Variants in SLC36A2 observed in about 807,000 individuals in gnomAD.
SLC36A2 encodes the protein solute carrier family 36 member 2, also known as proton-coupled amino acid transporter 2.
In SLC36A2, 39 loss-of-function variants were observed where a neutral mutation model predicts 42.7. The observed-to-expected ratio is 0.91, with a 90% confidence interval of 0.71 to 1.19. The LOEUF (loss-of-function observed/expected upper bound fraction) is 1.19. SLC36A2 is among the 50% of genes most tolerant of loss of function. The probability of loss-of-function intolerance (pLI) is 0.00; values close to 1 mark genes in which losing one functional copy is unlikely to be tolerated. For missense variants in SLC36A2, 590 were observed against 613.7 expected, an observed-to-expected ratio of 0.96 and a Z score of 0.41; for synonymous variants, 237 against 240.8, an observed-to-expected ratio of 0.98 and a Z score of 0.15.
chr5:151,317,024 G>A lies in SLC36A2; in HGVS notation c.1245C>T (p.Gly415=), dbSNP rs201675843. The A allele has an allele frequency of 1.9e-6, 3 of 1,614,166 alleles. No individual in the cohort carries two copies. In the East Asian group the frequency reaches 6.7e-5, roughly 36 times the overall value. ...LVISLVGSVS[G]TALALIIPPL... is the part of the protein sequence containing the mutation. ...GTGGGATGATGAGGGCCAGGGCGGT[G>A]CCACTCACGGAGCCCACCAGGGAGA... The change falls in exon 10 of 10, where the codon GGC becomes GGT. Residue 415 remains glycine, a synonymous_variant. Coordinates refer to ENST00000335244, the MANE Select transcript of SLC36A2 (RefSeq NM_181776.3).
At chr5:151,343,827 G>A (rs910258238) in intron 2 of SLC36A2, among the ~76,000 whole-genome samples, 2 of 152,192 alleles carry the variant, frequency 1.3e-5, no homozygotes, top group Admixed American at 6.5e-5. Context: ...ACTGATGGGA[G>A]TAGGGGGACA....
At chr5:151,326,888 T>C (rs1755867823) in intron 7 of SLC36A2, among the ~76,000 whole-genome samples, 1 of 151,782 alleles carries the variant, frequency 6.6e-6, no homozygotes. Flanking sequence ...CACAGTTCAC[T>C]GCAACCTCTG....
At chr5:151,347,207 T>C in intron 1 of SLC36A2, 90 bp downstream of exon 1, 1 of 1,497,620 alleles carries the variant, frequency 6.7e-7, no homozygotes, top group South Asian at 1.1e-5. Flanking sequence ...CACAGTGGGT[T>C]GAGGGTCAGA....
chr5:151,333,950 T>G (rs1756074163), intron 6 of SLC36A2, among the ~76,000 whole-genome samples: 1 of 152,190 alleles, frequency 6.6e-6, no homozygotes, highest in Non-Finnish European at 1.5e-5. Flanking sequence ...GTGTTGGAAA[T>G]TCCTGTGACT....
chr5:151,323,051 C>A (rs1293053332), intron 8 of SLC36A2, among the ~76,000 whole-genome samples: 3 of 152,142 alleles, frequency 2.0e-5, no homozygotes, highest in Non-Finnish European at 2.9e-5. Flanking sequence ...GTCTGGCCAA[C>A]ATGGCGAAAC....
chr5:151,328,586 C>T (rs572956923), intron 7 of SLC36A2, among the ~76,000 whole-genome samples: 13 of 151,838 alleles, frequency 8.6e-5, no homozygotes, highest in African/African-American at 2.9e-4. Context: ...GTCCTAGTCA[C>T]TAAGCAGCAT....
chr5:151,333,586 C>A (rs538507164), intron 6 of SLC36A2, among the ~76,000 whole-genome samples: 1 of 152,098 alleles, frequency 6.6e-6, no homozygotes, highest in African/African-American at 2.4e-5. Flanking sequence ...CCAAAAGGGC[C>A]GGGTGCAGTG....
intron 1 of SLC36A2, 44 bp from the exon 2 acceptor site, chr5:151,344,311 G>T: frequency 1.3e-6 from 2 of 1,525,908 alleles, no homozygotes; most frequent in South Asian, 1.1e-5. Context: ...GTGTGGAGGT[G>T]AGAAGATCCA....
chr5:151,322,713 A>C (rs548599595), intron 8 of SLC36A2, among the ~76,000 whole-genome samples: 3 of 152,314 alleles, frequency 2.0e-5, no homozygotes, highest in Admixed American at 2.0e-4. Flanking sequence ...AGAATCCCAA[A>C]TCCTTGGAAG....
intron 1 of SLC36A2, 32 bp from the exon 2 acceptor site, chr5:151,344,299 G>T (rs1244751473): frequency 6.4e-7 from 1 of 1,561,220 alleles, no homozygotes; most frequent in Non-Finnish European, 8.8e-7. Flanking sequence ...TGAAGTATGG[G>T]TGTGTGGAGG....
chr5:151,333,456 A>G (rs1756053293), intron 6 of SLC36A2, 134 bp from the exon 7 acceptor site: 4 of 735,600 alleles, frequency 5.4e-6, no homozygotes, highest in Non-Finnish European at 9.5e-6. Context: ...CTTCAAAGGG[A>G]TGTAGGCCAC....
intron 3 of SLC36A2, among the ~76,000 whole-genome samples, chr5:151,343,251 C>T (rs1331182937): frequency 6.6e-6 from 1 of 152,164 alleles, no homozygotes; most frequent in Non-Finnish European, 1.5e-5. Flanking sequence ...CCATTGGATT[C>T]TCGTGACCAT....
At chr5:151,345,328 G>A (rs1372874320) in intron 1 of SLC36A2, among the ~76,000 whole-genome samples, 5 of 152,172 alleles carry the variant, frequency 3.3e-5, no homozygotes, top group Non-Finnish European at 5.9e-5. Context: ...ACAAACCAGG[G>A]ATTAAACCTC....
chr5:151,343,639 G>T (rs1756412087), intron 2 of SLC36A2, 41 bp from the exon 3 acceptor site: 1 of 1,560,876 alleles, frequency 6.4e-7, no homozygotes, highest in East Asian at 2.2e-5. Flanking sequence ...GGAGAGAAGA[G>T]AATGCATTTA....
chr5:151,342,666 A>G (rs547739400), intron 4 of SLC36A2, among the ~76,000 whole-genome samples: 9 of 152,340 alleles, frequency 5.9e-5, no homozygotes, highest in Non-Finnish European at 1.0e-4. Context: ...ATAAAAGAGT[A>G]AAAAACATTA....
intron 7 of SLC36A2, 24 bp from the exon 8 acceptor site, chr5:151,325,476 A>G (rs762828986): frequency 2.0e-5 from 32 of 1,613,136 alleles, no homozygotes; most frequent in Non-Finnish European, 2.5e-5. Flanking sequence ...ACAATGTAAG[A>G]AGGAGAAAGA....
chr5:151,344,031 C>A lies in SLC36A2; in HGVS notation c.255+146G>T, dbSNP rs140422324. 6 of 767,312 alleles carry A rather than the reference C, an allele frequency of 7.8e-6. No individual in the cohort carries two copies. In the African/African-American group the frequency reaches 1.0e-4, roughly 13 times the overall value. The allele number at this position is 767,312 out of a possible 1,614,324, so 47.5% of individuals were successfully genotyped here. On this transcript the variant is annotated intron_variant, in intron 2 of 9. Transcript: ENST00000335244. ...TCTGTGGCAGAGCCGGAACTCAAAC[C>A]CAGGCTAGATGTCTAGACCCTAACC... is the stretch of plus-strand genomic sequence containing the variant.
At chr5:151,328,255 A>G (rs915556215) in intron 7 of SLC36A2, among the ~76,000 whole-genome samples, 20 of 152,252 alleles carry the variant, frequency 1.3e-4, no homozygotes, top group African/African-American at 3.9e-4. Context: ...AAAATCGTGG[A>G]TGAAATACAT....
intron 7 of SLC36A2, among the ~76,000 whole-genome samples, chr5:151,330,171 T>C (rs1024182080): frequency 1.7e-4 from 26 of 152,108 alleles, no homozygotes; most frequent in African/African-American, 6.3e-4. Flanking sequence ...AAATAATGGC[T>C]GAAATTAGGT....
Sources: gnomAD v4.1 joint callset for allele counts (sites outside exome capture counted in the v4.1 genomes callset) on GRCh38, gnomAD v4.1.1 for gene constraint, MANE v1.5 for transcripts, NCBI Gene and HGNC (gene_info 2026-07-23, HGNC 2026-07-21) for gene names.